MROH2B: variants seen among roughly 807,000 people sequenced by gnomAD.
The protein encoded by MROH2B is maestro heat like repeat family member 2B.
Under a neutral mutation model 208.6 loss-of-function variants are expected in MROH2B, and 177 were observed. The ratio of observed to expected loss-of-function variants is 0.85; its 90% confidence interval spans 0.75 to 0.96. The LOEUF (loss-of-function observed/expected upper bound fraction) is 0.96, where lower values mean the gene tolerates loss of function less well. MROH2B is among the 40% of genes least tolerant of loss of function. The pLI is 0.00. For missense variants in MROH2B, 2,002 were observed against 1,878.7 expected, an observed-to-expected ratio of 1.07 and a Z score of -1.21; for synonymous variants, 728 against 659.0, an observed-to-expected ratio of 1.10 and a Z score of -1.60.
rs1743522472 is a variant in MROH2B at position 41,058,179 on chromosome 5, C to T, written c.640G>A (p.Gly214Arg). Reference protein sequence around the residue: ...MQTLSIVKAHGPTVSLLLHRE... With the variant: ...MQTLSIVKAHRPTVSLLLHRE... ...TGCAGCAGCAAGCTCACCGTGGGCC[C>T]GTGGGCCTTAACGATGCTCAAAGTC... The change falls in exon 7 of 42, where the codon GGG becomes AGG. Residue 214 changes from glycine (G) to arginine (R), a missense_variant. Coordinates refer to ENST00000399564, the MANE Select transcript of MROH2B (RefSeq NM_173489.5). 1.3e-6 allele frequency: 2 copies of T among 1,599,208 alleles called. No individual in the cohort carries two copies. The highest frequency in any genetic ancestry group is 1.7e-6 in the Non-Finnish European group (2 of 1,172,428).
chr5:41,008,919 T>C, intron 32 of MROH2B, 126 bp from the exon 33 acceptor site: 2 of 988,124 alleles, frequency 2.0e-6, no homozygotes, highest in Non-Finnish European at 2.9e-6. Flanking sequence ...GGGTTTATTG[T>C]CTGGAAATTT....
chr5:41,070,710 G>T, intron 1 of MROH2B, 115 bp downstream of exon 1: 2 of 973,280 alleles, frequency 2.1e-6, no homozygotes, highest in Non-Finnish European at 3.2e-6. Context: ...AATCCTTTGA[G>T]GTGTACAGTC....
chr5:41,017,765 G>A, intron 28 of MROH2B, 85 bp downstream of exon 28: 1 of 1,436,010 alleles, frequency 7.0e-7, no homozygotes, highest in Non-Finnish European at 9.3e-7. Flanking sequence ...GAGGGAGAGA[G>A]ACATAGGTGC....
intron 21 of MROH2B, among the ~76,000 whole-genome samples, chr5:41,034,540 T>C (rs1294252918): frequency 6.6e-6 from 1 of 152,098 alleles, no homozygotes; most frequent in African/African-American, 2.4e-5. Flanking sequence ...TCCATTAGAT[T>C]TCAGATAACC....
At chr5:41,059,098 CCTAA>C (rs771445882) in intron 6 of MROH2B, among the ~76,000 whole-genome samples, 2 of 151,700 alleles carry the variant, frequency 1.3e-5, no homozygotes, top group Non-Finnish European at 2.9e-5. Flanking sequence ...TCACTTTGAC[CCTAA>C]CTATTACCCC....
intron 21 of MROH2B, 59 bp from the exon 22 acceptor site, chr5:41,033,923 A>T (rs1334817038): frequency 2.0e-6 from 3 of 1,533,840 alleles, no homozygotes; most frequent in African/African-American, 2.8e-5. Flanking sequence ...AGATATACCC[A>T]ACCCAACAAA....
chr5:41,047,876 T>C (rs1033596746), intron 16 of MROH2B, 112 bp from the exon 17 acceptor site: 2 of 862,766 alleles, frequency 2.3e-6, no homozygotes, highest in Non-Finnish European at 3.7e-6. Flanking sequence ...GCTTTCTTTT[T>C]GCTCATAATG....
Position 41,033,862 on chromosome 5 carries a change from A to G in MROH2B, c.2217T>C (p.Val739=). 1 of 1,548,510 alleles carries G rather than the reference A, an allele frequency of 6.5e-7. No individual in the cohort carries two copies. The highest frequency in any genetic ancestry group is 8.7e-7 in the Non-Finnish European group (1 of 1,144,610). The change falls in exon 22 of 42, where the codon GTT becomes GTC. Residue 739 remains valine (V), a splice_region_variant and synonymous_variant. Transcript: ENST00000399564. ...CCTTGTTCATCACAGACATGCCCAG[A>G]ACCTAAAAAAAATCAAAGGCAAAAT... ...VLSLHGQCSQ[V]LGMSVMNKDM...
Position 41,012,664 on chromosome 5 carries a change from G to A in MROH2B, c.3054C>T (p.Ser1018=), listed in dbSNP as rs191061365. 1.1e-5 allele frequency: 17 copies of A among 1,613,890 alleles called. No homozygotes were observed. The East Asian group carries it at 3.1e-4, about 30-fold the overall frequency. ...AGGCCTTTGTACAAGTGGGGTTGAG[G>A]CTCTCCAGACCGTCCAGCATTTCCT... is the stretch of plus-strand genomic sequence containing the variant. The part of the protein sequence containing the change: ...FLEEMLDGLE[S]LNPTCTKACG... The change falls in exon 30 of 42, where the codon AGC becomes AGT. Residue 1018 remains serine (S), a synonymous_variant. Transcript: ENST00000399564.
At chr5:41,006,383 CTT>C (rs1192124469) in intron 34 of MROH2B, among the ~76,000 whole-genome samples, 2 of 152,092 alleles carry the variant, frequency 1.3e-5, no homozygotes, top group African/African-American at 4.8e-5. Flanking sequence ...ATTTTTCACT[CTT>C]GGTGGGAATG....
In MROH2B at chr5:41,000,267, C is replaced by G; in HGVS notation, c.4435G>C (p.Asp1479His). 1 of 1,613,884 alleles carries G rather than the reference C, an allele frequency of 6.2e-7. No individual in the cohort carries two copies. Among genetic ancestry groups the G allele is most frequent in the Non-Finnish European group, 8.5e-7 (1 of 1,179,832 alleles). The change falls in exon 39 of 42, where the codon GAT (aspartate) becomes CAT (histidine). Residue 1479 changes from aspartate (D) to histidine (H), a missense_variant. Asp to His is a moderately conservative substitution (Grantham distance 81, BLOSUM62 -1). Transcript: ENST00000399564. ...TAGAAATCCCTGGCCCTTGGTAGAT[C>G]CTGATCAAGGAGACGGTCTAATACC... ...YGVLDRLLDQ[D>H]LPRARDFYRQ...
At chr5:41,000,095 A>G in intron 39 of MROH2B, 125 bp downstream of exon 39, 1 of 1,278,018 alleles carries the variant, frequency 7.8e-7, no homozygotes, top group Non-Finnish European at 1.1e-6. Flanking sequence ...TCAGGATATC[A>G]CTGCCATCCT....
At chr5:41,027,017 C>T (rs1255224305) in intron 24 of MROH2B, among the ~76,000 whole-genome samples, 1 of 152,140 alleles carries the variant, frequency 6.6e-6, no homozygotes, top group Non-Finnish European at 1.5e-5. Flanking sequence ...CCCTTCCTTA[C>T]ACCTTATACA....
intron 40 of MROH2B, 38 bp from the exon 41 acceptor site, chr5:40,998,715 T>C (rs767964393): frequency 2.0e-6 from 3 of 1,510,952 alleles, no homozygotes; most frequent in South Asian, 2.4e-5. Context: ...GATTTCATTA[T>C]AGAGGAAGAA....
Position 41,057,323 on chromosome 5 carries a change from T to A in MROH2B, c.794A>T (p.Asp265Val). 1 of 1,588,952 alleles carries A rather than the reference T, an allele frequency of 6.3e-7. No individual in the cohort carries two copies. The highest frequency in any genetic ancestry group is 8.6e-7 in the Non-Finnish European group (1 of 1,166,640). The change falls in exon 8 of 42, where the codon GAC (aspartate) becomes GTC (valine). Residue 265 changes from aspartate (D) to valine (V), a missense_variant. Transcript: ENST00000399564. ...KQILTAAVLY[D>V]IGLPRSLRRS... ...TCTCAAGCTCCTTGGAAGGCCAATG[T>A]CATAAAGAACTGCTGCAGTCAGTAT...
intron 5 of MROH2B, 42 bp downstream of exon 5, chr5:41,064,430 A>G: frequency 1.3e-6 from 2 of 1,534,496 alleles, no homozygotes; most frequent in Non-Finnish European, 1.8e-6. Context: ...GACAGTTCAC[A>G]GCCTGGTTTT....
intron 28 of MROH2B, 43 bp downstream of exon 28, chr5:41,017,807 G>A: frequency 6.5e-7 from 1 of 1,541,432 alleles, no homozygotes; most frequent in Non-Finnish European, 8.7e-7. Context: ...AAAAGAAGAT[G>A]GGTTTCTTTT....
rs910318034 is a variant in MROH2B at position 41,055,719 on chromosome 5, T to C, written c.1033+23A>G. On this transcript the variant is annotated intron_variant, in intron 10 of 41. Transcript: ENST00000399564. ...GCTTCTTGGCATGAAATAAACCATGTTGGCTTCAACCCTCTTGCTTACCAT... is the reference window on the plus strand; with the variant it reads ...GCTTCTTGGCATGAAATAAACCATGCTGGCTTCAACCCTCTTGCTTACCAT... 4.4e-6 allele frequency: 7 copies of C among 1,576,920 alleles called. No homozygotes were observed. The African/African-American group carries it at 5.4e-5, about 12-fold the overall frequency.
chr5:41,043,836 A>G (rs1357685255), intron 18 of MROH2B, among the ~76,000 whole-genome samples: 1 of 152,190 alleles, frequency 6.6e-6, no homozygotes, highest in Non-Finnish European at 1.5e-5. Context: ...TTCTGAGCCT[A>G]TACCTCAAGA....
Sources: allele counts gnomAD v4.1 joint callset (sites outside exome capture counted in the v4.1 genomes callset), GRCh38; gene constraint gnomAD v4.1.1; transcripts MANE v1.5; gene names NCBI Gene and HGNC (gene_info 2026-07-23, HGNC 2026-07-21).